The following CRACR2A variants were observed in gnomAD, a reference collection of about 807,000 sequenced individuals.
CRACR2A encodes calcium release activated channel regulator 2A.
Under a neutral mutation model 90.5 loss-of-function variants are expected in CRACR2A, and 79 were observed. The observed-to-expected ratio is 0.87, with a 90% CI of 0.73 to 1.05. The LOEUF (loss-of-function observed/expected upper bound fraction) is 1.05. CRACR2A is among the 50% of genes least tolerant of loss of function. The probability of loss-of-function intolerance (pLI) is 0.00; values close to 1 mark genes in which losing one functional copy is unlikely to be tolerated. For synonymous variants in CRACR2A, 338 were observed against 356.7 expected (o/e 0.95, Z 0.59); for missense variants, 823 against 897.2 (o/e 0.92, Z 1.06).
intron 19 of CRACR2A, 139 bp downstream of exon 19, chr12:3,616,815 C>G: frequency 1.5e-6 from 1 of 648,506 alleles, no homozygotes; most frequent in Non-Finnish European, 2.7e-6. Flanking sequence ...ACCCCGTTGC[C>G]TATACTCAGA....
intron 3 of CRACR2A, among the ~76,000 whole-genome samples, chr12:3,709,333 T>C (rs2137760318): frequency 6.6e-6 from 1 of 152,360 alleles, no homozygotes; most frequent in South Asian, 2.1e-4. Flanking sequence ...AATGAGTGGA[T>C]AATCCAATAA....
At chr12:3,683,756 C>T (rs1053585055) in intron 4 of CRACR2A, among the ~76,000 whole-genome samples, 13 of 152,330 alleles carry the variant, frequency 8.5e-5, no homozygotes, top group Admixed American at 8.5e-4. Flanking sequence ...CAGGATCTAG[C>T]CCAATGCTGA....
Position 3,625,795 on chromosome 12 carries a change from G to A in CRACR2A, c.1932+1641C>T, listed in dbSNP as rs1308486676. Among the ~76,000 whole-genome samples, 5 of 151,566 alleles carry A rather than the reference G, an allele frequency of 3.3e-5. No homozygotes were observed. In the East Asian group the frequency reaches 9.7e-4, roughly 29 times the overall value. ...CTGGGGAATGTCAGTCTGATTCCAG[G>A]GCTCCAAGGAAGAGAGTCTGGAAAC... On this transcript the variant is annotated intron_variant, in intron 17 of 19. Coordinates refer to ENST00000440314, the MANE Select transcript of CRACR2A (RefSeq NM_001144958.2).
At chr12:3,676,035 C>G (rs1341551587) in intron 6 of CRACR2A, among the ~76,000 whole-genome samples, 1 of 152,056 alleles carries the variant, frequency 6.6e-6, no homozygotes, top group African/African-American at 2.4e-5. Context: ...CCCTCCTTTC[C>G]TTGCTCCATC....
intron 2 of CRACR2A, among the ~76,000 whole-genome samples, chr12:3,717,886 G>A (rs1219994847): frequency 1.3e-5 from 2 of 152,062 alleles, no homozygotes; most frequent in Non-Finnish European, 2.9e-5. Context: ...CCTTTGAATG[G>A]ATGAAGAGAG....
At chr12:3,748,342 T>C (rs1254912578) in intron 1 of CRACR2A, among the ~76,000 whole-genome samples, 1 of 151,808 alleles carries the variant, frequency 6.6e-6, no homozygotes, top group Non-Finnish European at 1.5e-5. Context: ...TCACCCAGAG[T>C]CAGACTCCAC....
At chr12:3,655,967 C>T (rs1944897562) in intron 9 of CRACR2A, among the ~76,000 whole-genome samples, 1 of 152,194 alleles carries the variant, frequency 6.6e-6, no homozygotes, top group Admixed American at 6.5e-5. Flanking sequence ...GACAGTGTCT[C>T]TTGTACCTCA....
intron 3 of CRACR2A, among the ~76,000 whole-genome samples, chr12:3,706,495 A>C (rs973544399): frequency 1.1e-4 from 17 of 152,340 alleles, no homozygotes; most frequent in African/African-American, 3.8e-4. Context: ...CCAAGGCCAG[A>C]GTGCCTGAGT....
At chr12:3,749,072 A>G (rs1179291208) in intron 1 of CRACR2A, among the ~76,000 whole-genome samples, 1 of 152,222 alleles carries the variant, frequency 6.6e-6, no homozygotes, top group Non-Finnish European at 1.5e-5. Context: ...GTGACCATAG[A>G]CATGATACTG....
At chr12:3,735,740 T>C (rs1946441020) in intron 1 of CRACR2A, among the ~76,000 whole-genome samples, 3 of 152,184 alleles carry the variant, frequency 2.0e-5, no homozygotes, top group South Asian at 2.1e-4. Context: ...GTTCTCACAG[T>C]GGCCGTCAGG....
chr12:3,672,232 C>A (rs1233741156), intron 7 of CRACR2A, among the ~76,000 whole-genome samples: 1 of 152,040 alleles, frequency 6.6e-6, no homozygotes, highest in East Asian at 1.9e-4. Context: ...CGAAAAGGAG[C>A]CGGGACTCAG....
At chr12:3,702,886 TTA>T (rs1486766890) in intron 3 of CRACR2A, among the ~76,000 whole-genome samples, 1 of 152,156 alleles carries the variant, frequency 6.6e-6, no homozygotes, top group Non-Finnish European at 1.5e-5. Flanking sequence ...ATTTCAAGAC[TTA>T]TTATAAAGCT....
intron 2 of CRACR2A, among the ~76,000 whole-genome samples, chr12:3,724,344 G>A (rs1946229985): frequency 6.6e-6 from 1 of 152,234 alleles, no homozygotes; most frequent in Non-Finnish European, 1.5e-5. Context: ...AGCCAGAGAA[G>A]TCAGCGAGGA....
At chr12:3,647,900 C>T (rs956885634) in intron 11 of CRACR2A, 15 of 985,344 alleles carry the variant, frequency 1.5e-5, no homozygotes, top group Admixed American at 6.2e-5. Flanking sequence ...TTTCCCCACA[C>T]GGGTTTGTCT....
At chr12:3,740,963 T>A (rs898124549) in intron 1 of CRACR2A, among the ~76,000 whole-genome samples, 1 of 152,238 alleles carries the variant, frequency 6.6e-6, no homozygotes, top group African/African-American at 2.4e-5. Context: ...GACAGCTGTC[T>A]GACCACACAT....
intron 1 of CRACR2A, among the ~76,000 whole-genome samples, chr12:3,737,113 T>C (rs1946460073): frequency 6.6e-6 from 1 of 152,166 alleles, no homozygotes. Context: ...CACAAAGGGC[T>C]TGCTATAGGG....
chr12:3,637,964 G>A (rs1944487494), intron 14 of CRACR2A, among the ~76,000 whole-genome samples, 160 bp downstream of exon 14: 1 of 152,234 alleles, frequency 6.6e-6, no homozygotes, highest in Non-Finnish European at 1.5e-5. Context: ...ATGACACTCA[G>A]CTAAGCAGGG....
At chr12:3,748,875 T>C (rs2137931570) in intron 1 of CRACR2A, among the ~76,000 whole-genome samples, 1 of 152,264 alleles carries the variant, frequency 6.6e-6, no homozygotes, top group South Asian at 2.1e-4. Context: ...ACTTGACCAG[T>C]TGGAGCAGCT....
chr12:3,686,881 TG>T (rs1945567461), intron 4 of CRACR2A, among the ~76,000 whole-genome samples: 1 of 152,186 alleles, frequency 6.6e-6, no homozygotes, highest in South Asian at 2.1e-4. Flanking sequence ...GCAGAACACA[TG>T]CATTTCACAT....
Sources: allele counts gnomAD v4.1 joint callset (sites outside exome capture counted in the v4.1 genomes callset), GRCh38; gene constraint gnomAD v4.1.1; transcripts MANE v1.5; gene names NCBI Gene and HGNC (gene_info 2026-07-23, HGNC 2026-07-21).